RELN: variants seen among roughly 807,000 people sequenced by gnomAD.
The protein encoded by RELN is reelin.
In RELN, 108 loss-of-function variants were observed where a neutral mutation model predicts 427.6. The observed-to-expected ratio is 0.25, with a 90% CI of 0.22 to 0.30. The LOEUF is 0.30. Ranked by LOEUF, RELN falls within the 10% of genes least tolerant of loss-of-function variation. The probability of loss-of-function intolerance (pLI) is 1.00; values close to 1 mark genes in which losing one functional copy is unlikely to be tolerated. For synonymous variants in RELN, 1,524 were observed against 1,513.4 expected, an observed-to-expected ratio of 1.01 and a Z score of -0.16; for missense variants, 3,715 against 4,302.8, an observed-to-expected ratio of 0.86 and a Z score of 3.82.
At chr7:103,631,057 C>T (rs1215047491) in intron 19 of RELN, among the ~76,000 whole-genome samples, 1 of 151,340 alleles carries the variant, frequency 6.6e-6, no homozygotes, top group Non-Finnish European at 1.5e-5. Context: ...TACTGTTTTA[C>T]ATATTGAAAG....
intron 46 of RELN, among the ~76,000 whole-genome samples, chr7:103,533,730 A>G (rs571853926): frequency 6.6e-5 from 10 of 150,732 alleles, no homozygotes; most frequent in African/African-American, 2.5e-4. Flanking sequence ...GACAATTAAA[A>G]GATAGATTAA....
intron 6 of RELN, among the ~76,000 whole-genome samples, chr7:103,741,542 G>A (rs188977286): frequency 1.8e-4 from 27 of 151,460 alleles, no homozygotes; most frequent in Non-Finnish European, 2.7e-4. Context: ...TATATCACAA[G>A]AGAAAAAAAG....
At chr7:103,580,801 T>C (rs1029454061) in intron 28 of RELN, among the ~76,000 whole-genome samples, 1 of 152,178 alleles carries the variant, frequency 6.6e-6, no homozygotes, top group Non-Finnish European at 1.5e-5. Flanking sequence ...CCTTCAGCTA[T>C]AAATTTATTA....
chr7:103,790,832 C>G (rs1792144628), intron 3 of RELN, among the ~76,000 whole-genome samples: 1 of 151,980 alleles, frequency 6.6e-6, no homozygotes. Flanking sequence ...TGTGGTGGTG[C>G]ATGCTTGTAG....
At position 103,535,705 on chromosome 7, in the gene RELN, G is replaced by A. The variant is rs556149939; in HGVS notation, c.7181-221C>T. 2.8e-3 allele frequency among the ~76,000 whole-genome samples: 310 copies of A among 110,564 alleles called. 1 individual carries two copies. The highest frequency in any genetic ancestry group is 4.6e-3 in the Non-Finnish European group (229 of 49,324). 72.5% of individuals were successfully genotyped at this position (110,564 alleles called of 152,430 possible). On this transcript the variant is annotated intron_variant, in intron 45 of 64. Coordinates refer to ENST00000428762, the MANE Select transcript of RELN (RefSeq NM_005045.4). The stretch of plus-strand genomic sequence containing the variant: ...TTTCCATGTTGAAATAACTTTTAAG[G>A]GGATATGATCAAGTGAAACATAAAG...
intron 6 of RELN, among the ~76,000 whole-genome samples, chr7:103,740,847 A>C (rs1469109691): frequency 6.6e-6 from 1 of 152,182 alleles, no homozygotes; most frequent in Admixed American, 6.5e-5. Flanking sequence ...ATTCACATAA[A>C]GCTTTTAGAA....
chr7:103,989,366 G>GCCA lies in RELN; in HGVS notation c.-11_-10insTGG. 7.1e-7 allele frequency: 1 copy of GCCA among 1,416,828 alleles called. No homozygotes were observed. Among genetic ancestry groups the GCCA allele is most frequent in the Non-Finnish European group, 9.2e-7 (1 of 1,085,974 alleles). 87.8% of individuals were successfully genotyped at this position (1,416,828 alleles called of 1,614,324 possible). A position where few individuals can be genotyped will look rare whatever the true frequency, so the allele number is the denominator to read the frequency against. Reference sequence around the variant, plus strand: ...AGCCACTGCGCTCCATGCCGCCGCCGCCGCCGCCGCCGCCGCGCGCCCTAC... The same window carrying GCCA: ...AGCCACTGCGCTCCATGCCGCCGCCGCCACCGCCGCCGCCGCCGCGCGCCCTAC... On this transcript the variant is annotated 5_prime_UTR_variant, in exon 1 of 65. Transcript: ENST00000428762. This position sits in a 1 kb window ranked among gnomAD's most constrained non-coding sequence, Gnocchi z 4.9.
At chr7:103,689,943 A>G (rs1364684617) in intron 10 of RELN, among the ~76,000 whole-genome samples, 1 of 152,098 alleles carries the variant, frequency 6.6e-6, no homozygotes, top group Non-Finnish European at 1.5e-5. Flanking sequence ...ACTTCGATGG[A>G]CTTGCCTAGA....
intron 2 of RELN, among the ~76,000 whole-genome samples, chr7:103,836,098 G>C (rs1387622851): frequency 3.3e-5 from 5 of 152,016 alleles, no homozygotes. Flanking sequence ...GAGTAGCTGG[G>C]ATTACAGGTG....
intron 2 of RELN, among the ~76,000 whole-genome samples, chr7:103,903,843 T>G (rs1488923808): frequency 7.3e-6 from 1 of 137,638 alleles, no homozygotes; most frequent in East Asian, 2.3e-4. Context: ...TATCTTTTTT[T>G]GTTTTTGTTT....
At chr7:103,976,118 G>A (rs1211887239) in intron 1 of RELN, among the ~76,000 whole-genome samples, 1 of 152,216 alleles carries the variant, frequency 6.6e-6, no homozygotes, top group Non-Finnish European at 1.5e-5. Flanking sequence ...TACAGGGTTT[G>A]AGAGGCCATG....
At chr7:103,879,383 C>G (rs1007092945) in intron 2 of RELN, among the ~76,000 whole-genome samples, 2 of 152,130 alleles carry the variant, frequency 1.3e-5, no homozygotes, top group African/African-American at 4.8e-5. Flanking sequence ...CTGGAGTTAT[C>G]AAGGGTAGAA....
At chr7:103,746,665 G>A (rs555995003) in intron 6 of RELN, among the ~76,000 whole-genome samples, 69 of 152,244 alleles carry the variant, frequency 4.5e-4, no homozygotes, top group Admixed American at 2.5e-3. Context: ...ATGAAAAAAT[G>A]CTCATCATCA....
At chr7:103,490,985 TAAAATA>T (rs1406390679) in intron 58 of RELN, among the ~76,000 whole-genome samples, 156 bp from the exon 59 acceptor site, 1 of 152,226 alleles carries the variant, frequency 6.6e-6, no homozygotes, top group East Asian at 1.9e-4. Flanking sequence ...ATAAAAAAAT[TAAAATA>T]TTTTCTCTTA....
At position 103,540,239 on chromosome 7, in the gene RELN, C is replaced by A. The variant is rs142792443; in HGVS notation, c.6888G>T (p.Pro2296=). 8.1e-6 allele frequency: 13 copies of A among 1,614,034 alleles called. No homozygotes were observed. The Admixed American group carries it at 2.0e-4, about 25-fold the overall frequency. The change falls in exon 44 of 65, where the codon CCG becomes CCT. Residue 2296 remains proline, a synonymous_variant. Coordinates refer to ENST00000428762, the MANE Select transcript of RELN (RefSeq NM_005045.4). ...SGSTRLRWWQ[P]SENGHFYSPW... is the part of the protein sequence containing the mutation. ...GGCTGTAGAAGTGCCCATTCTCAGA[C>A]GGTTGCCACCAGCGAAGGCGAGTAG... is the stretch of plus-strand genomic sequence containing the variant.
chr7:103,787,269 T>C (rs1421376789), intron 3 of RELN, among the ~76,000 whole-genome samples: 1 of 151,870 alleles, frequency 6.6e-6, no homozygotes, highest in African/African-American at 2.4e-5. Context: ...ATCAGCACCC[T>C]AACACACAAT....
At chr7:103,787,009 T>C (rs887243932) in intron 3 of RELN, among the ~76,000 whole-genome samples, 2 of 152,040 alleles carry the variant, frequency 1.3e-5, no homozygotes, top group African/African-American at 4.8e-5. Flanking sequence ...TCTCAGACCA[T>C]AGTGCCATCA....
chr7:103,977,766 T>C (rs1187015066), intron 1 of RELN, among the ~76,000 whole-genome samples: 1 of 152,142 alleles, frequency 6.6e-6, no homozygotes. Context: ...ACCCACCTCC[T>C]ACTAATAAAT....
chr7:103,939,184 G>C (rs1180891907), intron 1 of RELN, among the ~76,000 whole-genome samples: 2 of 152,042 alleles, frequency 1.3e-5, no homozygotes, highest in Non-Finnish European at 2.9e-5. Context: ...CCTGACCTCA[G>C]GTGATCGGCC....
Sources: gnomAD v4.1 joint callset for allele counts (sites outside exome capture counted in the v4.1 genomes callset) on GRCh38, gnomAD v4.1.1 for gene constraint, Gnocchi (gnomAD v3.1) non-coding constraint, MANE v1.5 for transcripts, NCBI Gene and HGNC (gene_info 2026-07-23, HGNC 2026-07-21) for gene names.